GNS: variants seen among roughly 807,000 people sequenced by gnomAD.
The protein encoded by GNS is glucosamine (N-acetyl)-6-sulfatase.
Under a neutral mutation model 69.7 loss-of-function variants are expected in GNS, and 40 were observed. The observed-to-expected ratio is 0.57, with a 90% CI of 0.45 to 0.75. The LOEUF (loss-of-function observed/expected upper bound fraction) is 0.75, where lower values mean the gene tolerates loss of function less well. Ranked by LOEUF, GNS falls within the 30% of genes least tolerant of loss-of-function variation. The pLI is 0.00. For missense variants in GNS, 565 were observed against 685.5 expected, an observed-to-expected ratio of 0.82 and a Z score of 1.96; for synonymous variants, 243 against 251.6, an observed-to-expected ratio of 0.97 and a Z score of 0.32.
intron 2 of GNS, among the ~76,000 whole-genome samples, chr12:64,749,492 T>G (rs1870008360): frequency 6.6e-6 from 1 of 152,078 alleles, no homozygotes; most frequent in African/African-American, 2.4e-5. Context: ...GACCTCGTGA[T>G]CCACCCGCCT....
At chr12:64,751,968 A>AG (rs937045952) in intron 2 of GNS, among the ~76,000 whole-genome samples, 1 of 151,790 alleles carries the variant, frequency 6.6e-6, no homozygotes, top group Admixed American at 6.6e-5. Flanking sequence ...AAAAAAAAAA[A>AG]AAGAAGAAAG....
Position 64,722,997 on chromosome 12 carries a change from A to T in GNS, c.1308+9T>A. On this transcript the variant is annotated intron_variant, in intron 11 of 13. Coordinates refer to ENST00000258145, the MANE Select transcript of GNS (RefSeq NM_002076.4). ...AAAGCTGTCTAAGTTGATTCAAGCT[A>T]TTACTCACAGATACGCCAGGACTCA... 2.0e-6 allele frequency: 3 copies of T among 1,496,976 alleles called. No individual in the cohort carries two copies. Among genetic ancestry groups the T allele is most frequent in the Non-Finnish European group, 2.8e-6 (3 of 1,072,876 alleles). 92.7% of individuals were successfully genotyped at this position (1,496,976 alleles called of 1,614,324 possible). A position where few individuals can be genotyped will look rare whatever the true frequency, so the allele number is the denominator to read the frequency against.
intron 3 of GNS, chr12:64,746,061 A>C (rs1869889214): frequency 2.6e-6 from 1 of 377,916 alleles, no homozygotes; most frequent in Non-Finnish European, 5.0e-6. Flanking sequence ...AACAGCGATA[A>C]AGAGTTTTAT....
chr12:64,733,125 C>T (rs1869456477), intron 9 of GNS, among the ~76,000 whole-genome samples: 1 of 151,002 alleles, frequency 6.6e-6, no homozygotes, highest in Non-Finnish European at 1.5e-5. Flanking sequence ...AACAAACAAA[C>T]AAACAAAAAA....
At chr12:64,737,337 G>A (rs1471217699) in intron 8 of GNS, among the ~76,000 whole-genome samples, 2 of 152,092 alleles carry the variant, frequency 1.3e-5, no homozygotes, top group African/African-American at 2.4e-5. Context: ...GCTTATGATA[G>A]AACAAAATAA....
intron 10 of GNS, among the ~76,000 whole-genome samples, chr12:64,723,774 C>T (rs1869107640): frequency 6.6e-6 from 1 of 152,148 alleles, no homozygotes; most frequent in Admixed American, 6.5e-5. Context: ...GAACGCAGAC[C>T]ACTTAGATGT....
chr12:64,738,808 G>A (rs1035238179), intron 8 of GNS, among the ~76,000 whole-genome samples: 1 of 110,790 alleles, frequency 9.0e-6, no homozygotes, highest in African/African-American at 3.5e-5. Context: ...GCGAGATTCT[G>A]TCCCCCCACC....
rs185015253 is a variant in GNS at position 64,745,136 on chromosome 12, C to G, written c.526-229G>C. 3.1e-4 allele frequency among the ~76,000 whole-genome samples: 46 copies of G among 146,792 alleles called. No homozygotes were observed. In the East Asian group the frequency reaches 8.5e-3, roughly 27 times the overall value. On this transcript the variant is annotated intron_variant, in intron 4 of 13. Transcript: ENST00000258145. ...GAAGTAGATCAGGTAGAAAAGCAAACTACTTTGCTAAACCTTGTACAATGC... is the reference window on the plus strand; with the variant it reads ...GAAGTAGATCAGGTAGAAAAGCAAAGTACTTTGCTAAACCTTGTACAATGC...
rs940692531 is a variant in GNS, at chr12:64,732,751, G to A, written c.1099-3694C>T. Among the ~76,000 whole-genome samples the A allele has an allele frequency of 4.0e-5, 6 of 151,504 alleles. No homozygotes were observed. In the South Asian group the frequency reaches 8.3e-4, roughly 21 times the overall value. ...GCTGGCATTACAGGCGTGAGCCACCGCGCCTGGCCTAATTTTTGTATTTTT... is the reference window on the plus strand; with the variant it reads ...GCTGGCATTACAGGCGTGAGCCACCACGCCTGGCCTAATTTTTGTATTTTT... On this transcript the variant is annotated intron_variant, in intron 9 of 13. Coordinates refer to ENST00000258145, the MANE Select transcript of GNS (RefSeq NM_002076.4).
At chr12:64,755,614 A>G (rs1377113758) in intron 1 of GNS, among the ~76,000 whole-genome samples, 2 of 147,628 alleles carry the variant, frequency 1.4e-5, no homozygotes, top group African/African-American at 5.0e-5. Context: ...CCTACCTTTC[A>G]TCATAGTTTC....
chr12:64,744,412 C>A (rs1486757639), intron 5 of GNS, among the ~76,000 whole-genome samples: 1 of 152,144 alleles, frequency 6.6e-6, no homozygotes, highest in African/African-American at 2.4e-5. Flanking sequence ...ATACCCAATG[C>A]CCAAATAAAT....
intron 1 of GNS, among the ~76,000 whole-genome samples, chr12:64,753,547 C>G (rs1458959481): frequency 6.6e-6 from 1 of 152,138 alleles, no homozygotes; most frequent in Non-Finnish European, 1.5e-5. Flanking sequence ...TAATATGGGT[C>G]AGTTCACGAT....
At chr12:64,721,746 C>T in intron 11 of GNS, 41 bp from the exon 12 acceptor site, 1 of 1,025,150 alleles carries the variant, frequency 9.8e-7, no homozygotes, top group Non-Finnish European at 1.6e-6. Flanking sequence ...ACAGTTCTTC[C>T]ATAGTAACAA....
At chr12:64,751,321 T>G (rs1870070397) in intron 2 of GNS, among the ~76,000 whole-genome samples, 1 of 152,352 alleles carries the variant, frequency 6.6e-6, no homozygotes, top group East Asian at 1.9e-4. Flanking sequence ...ATTCTAGTGA[T>G]TTTAAAGGGT....
chr12:64,717,093 T>A (rs1477413444), intron 13 of GNS, among the ~76,000 whole-genome samples: 1 of 152,114 alleles, frequency 6.6e-6, no homozygotes, highest in Non-Finnish European at 1.5e-5. Flanking sequence ...ATTTGAGATT[T>A]TTTTCTTTTG....
At chr12:64,744,725 A>C (rs1318317720) in intron 5 of GNS, 84 bp downstream of exon 5, 2 of 778,888 alleles carry the variant, frequency 2.6e-6, no homozygotes, top group Non-Finnish European at 2.4e-6. Context: ...CAAACGAATA[A>C]GATTATAGGT....
rs964775472 is a variant in GNS at position 64,759,137 on chromosome 12, G to A, written c.140C>T (p.Pro47Leu). The change falls in exon 1 of 14, where the codon CCC (proline) becomes CTC (leucine). Residue 47 changes from proline to leucine, a missense_variant. Physicochemically the swap from Pro to Leu is moderately conservative, Grantham distance 98 (BLOSUM62 -3). Coordinates refer to ENST00000258145, the MANE Select transcript of GNS (RefSeq NM_002076.4). ...GTCCGTGAGGAGCAGCACCACGTTG[G>A]GCCTCCGGGTTCCCGCAGCCACCCC... ...VFGVAAGTRR[P>L]NVVLLLTDDQ... The A allele has an allele frequency of 3.8e-6, 6 of 1,560,598 alleles. No individual in the cohort carries two copies. The highest frequency in any genetic ancestry group is 5.2e-6 in the Non-Finnish European group (6 of 1,152,688).
In GNS at chr12:64,716,147, T is replaced by C. The variant is rs1868851854; in HGVS notation, c.*594A>G. 6.2e-6 allele frequency: 1 copy of C among 162,082 alleles called. No homozygotes were observed. Among genetic ancestry groups the C allele is most frequent in the Admixed American group, 5.6e-5 (1 of 17,704 alleles). The allele number at this position is 162,082 out of a possible 1,614,324, so 10.0% of individuals were successfully genotyped here. A position where few individuals can be genotyped will look rare whatever the true frequency, so the allele number is the denominator to read the frequency against. On this transcript the variant is annotated 3_prime_UTR_variant, in exon 14 of 14. Transcript: ENST00000258145. Reference sequence around the variant, plus strand: ...ATGAACAGAGCTTGGGTGACATGTTTTGAATTTGCAACCTTACCACACTGT... The same window carrying C: ...ATGAACAGAGCTTGGGTGACATGTTCTGAATTTGCAACCTTACCACACTGT...
At chr12:64,750,692 C>T (rs542677044) in intron 2 of GNS, among the ~76,000 whole-genome samples, 1 of 151,640 alleles carries the variant, frequency 6.6e-6, no homozygotes, top group African/African-American at 2.4e-5. Flanking sequence ...CACTTGAGGC[C>T]AGGAGTTTGA....
Sources: gnomAD v4.1 joint callset for allele counts (sites outside exome capture counted in the v4.1 genomes callset) on GRCh38, gnomAD v4.1.1 for gene constraint, MANE v1.5 for transcripts, NCBI Gene and HGNC (gene_info 2026-07-23, HGNC 2026-07-21) for gene names.